Variants in SHANK2 observed in about 807,000 individuals in gnomAD.
SHANK2 encodes the protein SH3 and multiple ankyrin repeat domains protein 2.
SHANK2 carries 43 observed loss-of-function variants against 133.7 expected under a neutral mutation model. The observed-to-expected ratio is 0.32, with a 90% CI of 0.25 to 0.41. SHANK2 has a LOEUF of 0.41. Among genes scored for constraint, SHANK2 ranks in the 10% least tolerant of loss-of-function variants. The pLI is 1.00. For synonymous variants in SHANK2, 1,017 were observed against 952.8 expected (o/e 1.07, Z -1.24); for missense variants, 1,994 against 2,235.8 (o/e 0.89, Z 2.18).
intron 1 of SHANK2, among the ~76,000 whole-genome samples, chr11:71,251,798 G>A (rs1948186985): frequency 6.6e-6 from 1 of 151,206 alleles, no homozygotes; most frequent in Admixed American, 6.6e-5. Context: ...AGGCGCGCCG[G>A]CCCCGGCCTC....
chr11:70,509,851 C>T (rs1406511479), intron 17 of SHANK2, among the ~76,000 whole-genome samples: 19 of 152,188 alleles, frequency 1.2e-4, no homozygotes, highest in Non-Finnish European at 2.1e-4. Flanking sequence ...ACCAGTTTGC[C>T]GGCCAGTGCC....
rs781803313 is a variant in SHANK2, at chr11:70,807,286, C to G, written c.1494-115G>C. On this transcript the variant is annotated intron_variant, in intron 12 of 25. Transcript: ENST00000601538. The surrounding 1 kb of genome is among the most constrained non-coding windows in gnomAD (Gnocchi z 4.8). ...CATGCTGCGCCTCGGCTGGCCGCAT[C>G]AGAACTCCTGATGCCAGACAGGAAG... 2.4e-5 allele frequency: 16 copies of G among 660,200 alleles called. No homozygotes were observed. The highest frequency in any genetic ancestry group is 4.1e-5 in the Non-Finnish European group (15 of 368,198). The allele number at this position is 660,200 out of a possible 1,614,324, so 40.9% of individuals were successfully genotyped here. A position where few individuals can be genotyped will look rare whatever the true frequency, so the allele number is the denominator to read the frequency against.
intron 17 of SHANK2, among the ~76,000 whole-genome samples, chr11:70,613,567 G>A (rs1554995006): frequency 6.6e-6 from 1 of 152,068 alleles, no homozygotes; most frequent in East Asian, 1.9e-4. Flanking sequence ...CTGGCCATGT[G>A]CAGCAGTGTT....
chr11:70,712,830 T>C (rs1170470822), intron 14 of SHANK2, among the ~76,000 whole-genome samples: 3 of 152,220 alleles, frequency 2.0e-5, no homozygotes, highest in Non-Finnish European at 4.4e-5. Context: ...TGGTTTCCAG[T>C]AGTGGAAGCT....
chr11:71,138,917 A>G (rs1952499821), intron 3 of SHANK2, among the ~76,000 whole-genome samples: 1 of 152,190 alleles, frequency 6.6e-6, no homozygotes. Context: ...GAGGCAGCAC[A>G]GCGGGAATGA....
At chr11:70,759,703 C>T (rs1555039758) in intron 14 of SHANK2, among the ~76,000 whole-genome samples, 1 of 152,090 alleles carries the variant, frequency 6.6e-6, no homozygotes, top group Non-Finnish European at 1.5e-5. Context: ...AAGTCATGCA[C>T]CCCACACTTA....
At chr11:71,232,231 G>T (rs1555123045) in intron 1 of SHANK2, among the ~76,000 whole-genome samples, 1 of 152,196 alleles carries the variant, frequency 6.6e-6, no homozygotes, top group Admixed American at 6.5e-5. Flanking sequence ...GCAAGTAGGG[G>T]TGGAAGGAAG....
intron 17 of SHANK2, among the ~76,000 whole-genome samples, chr11:70,657,248 G>A (rs1036230199): frequency 1.2e-4 from 19 of 152,212 alleles, no homozygotes; most frequent in Middle Eastern, 3.4e-3. Flanking sequence ...GCACCTCACC[G>A]GGAGCTCAGA....
rs182626913 is a variant in SHANK2, at chr11:70,786,652, T to C, written c.1777+11791A>G. Among the ~76,000 whole-genome samples the C allele has an allele frequency of 5.9e-5, 9 of 152,084 alleles. No individual in the cohort carries two copies. In the East Asian group the frequency reaches 1.5e-3, roughly 26 times the overall value. Reference sequence around the variant, plus strand: ...CAAGTGTGGTGTTGATTTCTTTACATCAAGAGGGGATGTGAGGAAAGAAAT... The same window carrying C: ...CAAGTGTGGTGTTGATTTCTTTACACCAAGAGGGGATGTGAGGAAAGAAAT... On this transcript the variant is annotated intron_variant, in intron 14 of 25. Coordinates refer to ENST00000601538, the MANE Select transcript of SHANK2 (RefSeq NM_012309.5).
chr11:70,615,889 G>A (rs556837268), intron 17 of SHANK2, among the ~76,000 whole-genome samples: 17 of 152,196 alleles, frequency 1.1e-4, no homozygotes, highest in African/African-American at 3.1e-4. Context: ...TTACATCCTC[G>A]GTCTGTCTCT....
chr11:71,093,050 A>AAGG (rs1555094433), intron 7 of SHANK2, among the ~76,000 whole-genome samples: 1 of 19,458 alleles, frequency 5.1e-5, no homozygotes, highest in Non-Finnish European at 2.6e-4. Context: ...CTCAAAAATA[A>AAGG]AGGGGGGGGG....
intron 17 of SHANK2, among the ~76,000 whole-genome samples, chr11:70,559,855 TG>T (rs2059884263): frequency 7.9e-6 from 1 of 126,884 alleles, no homozygotes; most frequent in Non-Finnish European, 1.7e-5. Context: ...ACCCATATTC[TG>T]GGGGGTTGCT....
intron 11 of SHANK2, among the ~76,000 whole-genome samples, chr11:70,850,671 G>A (rs978640808): frequency 3.3e-5 from 5 of 152,188 alleles, no homozygotes; most frequent in African/African-American, 9.7e-5. Context: ...TGCAGCTCCC[G>A]TGGGCTCCTG....
At chr11:70,762,406 T>C (rs2134987016) in intron 14 of SHANK2, among the ~76,000 whole-genome samples, 1 of 151,962 alleles carries the variant, frequency 6.6e-6, no homozygotes, top group South Asian at 2.1e-4. Context: ...GCAGAGGAAA[T>C]GAGAAGGAAT....
chr11:71,111,056 G>A (rs1180435442), intron 5 of SHANK2, among the ~76,000 whole-genome samples: 2 of 152,210 alleles, frequency 1.3e-5, no homozygotes, highest in Admixed American at 6.5e-5. Context: ...TGAACCTGCC[G>A]ATGCCACGAT....
intron 14 of SHANK2, among the ~76,000 whole-genome samples, chr11:70,775,780 C>T (rs181412744): frequency 2.0e-5 from 3 of 152,306 alleles, no homozygotes; most frequent in Admixed American, 1.3e-4. Flanking sequence ...TCTACATATG[C>T]CTGTCTTAAA....
chr11:70,609,344 T>C (rs1554993481), intron 17 of SHANK2, among the ~76,000 whole-genome samples: 1 of 152,166 alleles, frequency 6.6e-6, no homozygotes, highest in Admixed American at 6.5e-5. Flanking sequence ...CTTTATCTGT[T>C]CAAATTAGAG....
At chr11:71,143,002 G>A (rs1338094359) in intron 3 of SHANK2, among the ~76,000 whole-genome samples, 1 of 152,194 alleles carries the variant, frequency 6.6e-6, no homozygotes, top group Non-Finnish European at 1.5e-5. Flanking sequence ...GGGAGGCCGA[G>A]GCAGGTGGTT....
chr11:71,209,225 T>C (rs1464919769), intron 2 of SHANK2, among the ~76,000 whole-genome samples: 1 of 152,170 alleles, frequency 6.6e-6, no homozygotes, highest in Non-Finnish European at 1.5e-5. Context: ...TAAATGTCGC[T>C]CTGGGTGAGG....
Sources: gnomAD v4.1 joint callset for allele counts (sites outside exome capture counted in the v4.1 genomes callset) on GRCh38, gnomAD v4.1.1 for gene constraint, Gnocchi (gnomAD v3.1) non-coding constraint, MANE v1.5 for transcripts, NCBI Gene and HGNC (gene_info 2026-07-23, HGNC 2026-07-21) for gene names.